Variants in CPNE9 observed in about 807,000 individuals in gnomAD.
CPNE9 encodes copine family member 9.
In CPNE9, 59 loss-of-function variants were observed where a neutral mutation model predicts 83.0. The observed-to-expected ratio is 0.71, with a 90% CI of 0.58 to 0.88. The LOEUF is 0.88. CPNE9 is among the 40% of genes least tolerant of loss of function. CPNE9 has a pLI of 0.00. For synonymous variants in CPNE9, 256 were observed against 273.4 expected (o/e 0.94, Z 0.63); for missense variants, 619 against 720.8 (o/e 0.86, Z 1.62).
chr3:9,725,289 C>T (rs1487610430), intron 17 of CPNE9, among the ~76,000 whole-genome samples: 1 of 152,026 alleles, frequency 6.6e-6, no homozygotes, highest in African/African-American at 2.4e-5. Flanking sequence ...GCTCCCAGCA[C>T]TTTGAGAGGC....
At chr3:9,715,872 C>A in intron 13 of CPNE9, 102 bp from the exon 14 acceptor site, 2 of 958,094 alleles carry the variant, frequency 2.1e-6, no homozygotes, top group South Asian at 1.4e-5. Context: ...AATCATGTGC[C>A]TCCCATCACG....
chr3:9,715,003 T>C lies in CPNE9; in HGVS notation c.692+48T>C, dbSNP rs368415338. 61 of 1,546,410 alleles carry C rather than the reference T, an allele frequency of 3.9e-5. No homozygotes were observed. The African/African-American group carries it at 7.1e-4, about 18-fold the overall frequency. ...CTTCTCCTGTACTTGACCCAAGCAGTTCTCAATAATATGTTGTACATTCAC... is the reference window on the plus strand; with the variant it reads ...CTTCTCCTGTACTTGACCCAAGCAGCTCTCAATAATATGTTGTACATTCAC... On this transcript the variant is annotated intron_variant, in intron 11 of 20. Transcript: ENST00000383832.
At position 9,704,491 on chromosome 3, in the gene CPNE9, G is replaced by A; in HGVS notation, c.69-96G>A. ...GCCATGGGGGACAGAGGTTCGATGC[G>A]GGCCCCATGCCTCTCCTCAGTGCCC... is the stretch of plus-strand genomic sequence containing the variant. On this transcript the variant is annotated intron_variant, in intron 1 of 20. Transcript: ENST00000383832. The surrounding 1 kb of genome is among the most constrained non-coding windows in gnomAD (Gnocchi z 7.1). 9.5e-7 allele frequency: 1 copy of A among 1,055,786 alleles called. No homozygotes were observed. The highest frequency in any genetic ancestry group is 1.3e-5 in the South Asian group (1 of 79,980). 65.4% of individuals were successfully genotyped at this position (1,055,786 alleles called of 1,614,324 possible). A position where few individuals can be genotyped will look rare whatever the true frequency, so the allele number is the denominator to read the frequency against.
In CPNE9 at chr3:9,704,181, A is replaced by G; in HGVS notation, c.68+117A>G. 1.0e-6 allele frequency: 1 copy of G among 959,368 alleles called. No homozygotes were observed. The highest frequency in any genetic ancestry group is 1.5e-5 in the South Asian group (1 of 65,748). 59.4% of individuals were successfully genotyped at this position (959,368 alleles called of 1,614,324 possible). On this transcript the variant is annotated intron_variant, in intron 1 of 20. Transcript: ENST00000383832. The surrounding 1 kb of genome is among the most constrained non-coding windows in gnomAD (Gnocchi z 7.1). ...CGGGGAGAGGCGAAATTGGCTGGAA[A>G]ATCACAGCTGATGACAGGGCGAGTA...
In CPNE9 at chr3:9,704,185, A is replaced by G; in HGVS notation, c.68+121A>G. 1 of 896,400 alleles carries G rather than the reference A, an allele frequency of 1.1e-6. No homozygotes were observed. Among genetic ancestry groups the G allele is most frequent in the Non-Finnish European group, 1.7e-6 (1 of 590,580 alleles). The allele number at this position is 896,400 out of a possible 1,614,324, so 55.5% of individuals were successfully genotyped here. ...GAGAGGCGAAATTGGCTGGAAAATCACAGCTGATGACAGGGCGAGTAGCTG... is the reference window on the plus strand; with the variant it reads ...GAGAGGCGAAATTGGCTGGAAAATCGCAGCTGATGACAGGGCGAGTAGCTG... On this transcript the variant is annotated intron_variant, in intron 1 of 20. Transcript: ENST00000383832. The surrounding 1 kb of genome is among the most constrained non-coding windows in gnomAD (Gnocchi z 7.1).
intron 15 of CPNE9, among the ~76,000 whole-genome samples, chr3:9,717,525 T>C (rs932117123): frequency 7.9e-5 from 12 of 151,938 alleles, no homozygotes; most frequent in African/African-American, 2.9e-4. Context: ...AACAAGTAAT[T>C]AGGGGAAATG....
rs564421722 is a variant in CPNE9 at position 9,726,760 on chromosome 3, C to A, written c.1402+38C>A. ...GGGTGTCCCTGAGTGGGACTAAGAA[C>A]TAAGGAGAAAAGTGGGAGGGGGTCG... On this transcript the variant is annotated intron_variant, in intron 19 of 20. Coordinates refer to ENST00000383832, the MANE Select transcript of CPNE9 (RefSeq NM_153635.3). The A allele has an allele frequency of 2.5e-6, 4 of 1,590,050 alleles. No individual in the cohort carries two copies. The South Asian group carries it at 3.3e-5, about 13-fold the overall frequency.
rs1205382973 is a variant in CPNE9, at chr3:9,704,455, G to A, written c.69-132G>A. On this transcript the variant is annotated intron_variant, in intron 1 of 20. Coordinates refer to ENST00000383832, the MANE Select transcript of CPNE9 (RefSeq NM_153635.3). This position sits in a 1 kb window ranked among gnomAD's most constrained non-coding sequence, Gnocchi z 7.1. Reference sequence around the variant, plus strand: ...CCAGAGTGCTGACAGAGCGGACCCCGGCTGGGGGTAGCCATGGGGGACAGA... The same window carrying A: ...CCAGAGTGCTGACAGAGCGGACCCCAGCTGGGGGTAGCCATGGGGGACAGA... 11 of 825,280 alleles carry A rather than the reference G, an allele frequency of 1.3e-5. No homozygotes were observed. The highest frequency in any genetic ancestry group is 6.7e-5 in the African/African-American group (4 of 59,904). The allele number at this position is 825,280 out of a possible 1,614,324, so 51.1% of individuals were successfully genotyped here. A position where few individuals can be genotyped will look rare whatever the true frequency, so the allele number is the denominator to read the frequency against.
intron 17 of CPNE9, 96 bp downstream of exon 17, chr3:9,718,698 T>C: frequency 6.8e-7 from 1 of 1,465,076 alleles, no homozygotes; most frequent in Non-Finnish European, 9.3e-7. Flanking sequence ...TAATTTAGGA[T>C]GATTTGAAGT....
Position 9,718,472 on chromosome 3 carries a change from C to T in CPNE9, c.1114-3C>T. ...CAGCCTGGCAGGGCATATTCTTTGA[C>T]AGAACAACAATGATGAGGACCCCAA... On this transcript the variant is annotated splice_polypyrimidine_tract_variant and splice_region_variant and intron_variant, in intron 16 of 20. Coordinates refer to ENST00000383832, the MANE Select transcript of CPNE9 (RefSeq NM_153635.3). The T allele has an allele frequency of 6.2e-7, 1 of 1,611,878 alleles. No homozygotes were observed. Among genetic ancestry groups the T allele is most frequent in the Non-Finnish European group, 8.5e-7 (1 of 1,178,986 alleles).
intron 7 of CPNE9, 29 bp downstream of exon 7, chr3:9,706,092 T>C: frequency 6.2e-7 from 1 of 1,604,286 alleles, no homozygotes; most frequent in South Asian, 1.1e-5. Context: ...GGTGTGGGAG[T>C]GGGGTGGGGG....
intron 17 of CPNE9, among the ~76,000 whole-genome samples, chr3:9,722,377 C>A (rs1360317928): frequency 6.6e-6 from 1 of 152,154 alleles, no homozygotes; most frequent in East Asian, 1.9e-4. Context: ...AGACTGGCCT[C>A]CTCTGGCCAC....
chr3:9,706,109 A>C, intron 7 of CPNE9, 46 bp downstream of exon 7: 6 of 1,579,286 alleles, frequency 3.8e-6, no homozygotes, highest in Non-Finnish European at 5.2e-6. Flanking sequence ...GGGGCTTCCA[A>C]ATTCTCCCTC....
At chr3:9,706,747 G>A (rs975746171) in intron 7 of CPNE9, among the ~76,000 whole-genome samples, 1 of 152,250 alleles carries the variant, frequency 6.6e-6, no homozygotes, top group Non-Finnish European at 1.5e-5. Flanking sequence ...CAGTGCGGTT[G>A]AGCAGGCCTC....
intron 7 of CPNE9, among the ~76,000 whole-genome samples, chr3:9,711,010 T>C (rs1046470031): frequency 1.3e-5 from 2 of 151,468 alleles, no homozygotes; most frequent in Non-Finnish European, 2.9e-5. Context: ...GCCTGGGTAA[T>C]AGTGAGACCC....
At chr3:9,718,675 G>A (rs1345375704) in intron 17 of CPNE9, 73 bp downstream of exon 17, 2 of 1,545,578 alleles carry the variant, frequency 1.3e-6, no homozygotes. Flanking sequence ...AGGATAGTCA[G>A]GAGCACTCTA....
rs548002689 is a variant in CPNE9, at chr3:9,705,043, C to T, written c.260+49C>T. 4 of 1,388,596 alleles carry T rather than the reference C, an allele frequency of 2.9e-6. No homozygotes were observed. The African/African-American group carries it at 4.3e-5, about 15-fold the overall frequency. The allele number at this position is 1,388,596 out of a possible 1,614,324, so 86.0% of individuals were successfully genotyped here. A position where few individuals can be genotyped will look rare whatever the true frequency, so the allele number is the denominator to read the frequency against. Reference sequence around the variant, plus strand: ...GCTTGGCCCGCCCCCGACCTGGATCCGCCCGGAATTCTGGCTGGCCCCACC... The same window carrying T: ...GCTTGGCCCGCCCCCGACCTGGATCTGCCCGGAATTCTGGCTGGCCCCACC... On this transcript the variant is annotated intron_variant, in intron 4 of 20. Coordinates refer to ENST00000383832, the MANE Select transcript of CPNE9 (RefSeq NM_153635.3).
At chr3:9,707,385 T>G (rs2076575526) in intron 7 of CPNE9, among the ~76,000 whole-genome samples, 1 of 141,508 alleles carries the variant, frequency 7.1e-6, no homozygotes. Context: ...AGAATAAACC[T>G]TGGGTGGCCA....
intron 20 of CPNE9, among the ~76,000 whole-genome samples, chr3:9,728,478 C>T (rs2076802436): frequency 6.6e-6 from 1 of 151,922 alleles, no homozygotes; most frequent in Non-Finnish European, 1.5e-5. Flanking sequence ...ATAAAATTAG[C>T]CGGGTGTGGT....
Sources: allele counts gnomAD v4.1 joint callset (sites outside exome capture counted in the v4.1 genomes callset), GRCh38; gene constraint gnomAD v4.1.1; non-coding constraint Gnocchi (gnomAD v3.1); transcripts MANE v1.5; gene names NCBI Gene and HGNC (gene_info 2026-07-23, HGNC 2026-07-21).